The following ARID1B variants were observed in gnomAD, a reference collection of about 807,000 sequenced individuals.
ARID1B encodes AT-rich interactive domain-containing protein 1B.
In ARID1B, 30 loss-of-function variants were observed where a neutral mutation model predicts 212.3. The ratio of observed to expected loss-of-function variants is 0.14; its 90% CI spans 0.11 to 0.19. The LOEUF (loss-of-function observed/expected upper bound fraction) is 0.19, where lower values mean the gene tolerates loss of function less well. Among genes scored for constraint, ARID1B ranks in the 10% least tolerant of loss-of-function variants. The pLI is 1.00. For synonymous variants in ARID1B, 1,402 were observed against 1,301.7 expected (o/e 1.08, Z -1.66); for missense variants, 2,891 against 3,204.0 (o/e 0.90, Z 2.36).
intron 9 of ARID1B, chr6:157,168,588 C>G (rs1791495547): frequency 6.6e-6 from 1 of 152,168 alleles, no homozygotes; most frequent in Non-Finnish European, 1.5e-5. Context: ...CTAATATCAG[C>G]AGCGCTCATT....
chr6:157,016,562 C>G (rs955934015), intron 4 of ARID1B, among the ~76,000 whole-genome samples: 5 of 152,150 alleles, frequency 3.3e-5, no homozygotes, highest in African/African-American at 1.2e-4. Context: ...TGTGGAGCTT[C>G]CTCCTACATC....
chr6:157,093,162 A>G (rs1785386935), intron 5 of ARID1B, among the ~76,000 whole-genome samples: 1 of 152,244 alleles, frequency 6.6e-6, no homozygotes, highest in African/African-American at 2.4e-5. Context: ...AAAAAGTTTC[A>G]AAAATCACTT....
chr6:156,819,725 T>A (rs1226207598), intron 1 of ARID1B, among the ~76,000 whole-genome samples: 1 of 152,176 alleles, frequency 6.6e-6, no homozygotes, highest in African/African-American at 2.4e-5. Context: ...CAGACATTGA[T>A]CAAGTAGTCA....
intron 19 of ARID1B, chr6:157,205,865 T>G: frequency 3.1e-6 from 1 of 323,548 alleles, no homozygotes; most frequent in Non-Finnish European, 5.8e-6. Context: ...AGCAAGGCAC[T>G]CCCTCAGTGA....
intron 4 of ARID1B, among the ~76,000 whole-genome samples, chr6:157,069,515 G>A (rs1783882767): frequency 6.6e-6 from 1 of 152,128 alleles, no homozygotes; most frequent in African/African-American, 2.4e-5. Flanking sequence ...ATGTTCTCTG[G>A]CAAAACCCAC....
At chr6:156,979,831 C>T (rs991703921) in intron 4 of ARID1B, among the ~76,000 whole-genome samples, 2 of 152,156 alleles carry the variant, frequency 1.3e-5, no homozygotes, top group Non-Finnish European at 2.9e-5. Context: ...GCTGGGATTA[C>T]AGGCATGGGC....
chr6:156,965,764 T>C (rs1794700848), intron 4 of ARID1B, among the ~76,000 whole-genome samples: 1 of 152,214 alleles, frequency 6.6e-6, no homozygotes, highest in Admixed American at 6.5e-5. Context: ...AAGATTTTTT[T>C]ATTGTTAGCT....
At chr6:156,946,923 A>G (rs976529979) in intron 4 of ARID1B, among the ~76,000 whole-genome samples, 2 of 152,242 alleles carry the variant, frequency 1.3e-5, no homozygotes, top group Non-Finnish European at 2.9e-5. Flanking sequence ...CTTATTTCTT[A>G]TATAGTTCTT....
intron 2 of ARID1B, among the ~76,000 whole-genome samples, chr6:156,899,346 C>A (rs1788741579): frequency 6.6e-6 from 1 of 152,352 alleles, no homozygotes; most frequent in Middle Eastern, 3.4e-3. Context: ...GGACAGCTGA[C>A]CGGGTCCAGT....
intron 1 of ARID1B, among the ~76,000 whole-genome samples, chr6:156,808,704 A>G (rs1398956331): frequency 2.0e-5 from 3 of 152,238 alleles, no homozygotes; most frequent in African/African-American, 7.2e-5. Flanking sequence ...AAATAAAAAC[A>G]TTATCTGTAT....
intron 4 of ARID1B, chr6:156,943,581 C>T (rs541748032): frequency 6.6e-6 from 1 of 151,260 alleles, no homozygotes; most frequent in East Asian, 1.9e-4. Flanking sequence ...CTACTTGGTT[C>T]GTGATTGAGA....
chr6:156,948,146 G>A (rs1793301080), intron 4 of ARID1B, among the ~76,000 whole-genome samples: 1 of 152,106 alleles, frequency 6.6e-6, no homozygotes, highest in African/African-American at 2.4e-5. Flanking sequence ...TAAAGTTAGG[G>A]GTATTCTTGA....
chr6:156,964,939 A>G (rs941879174), intron 4 of ARID1B, among the ~76,000 whole-genome samples: 3 of 152,204 alleles, frequency 2.0e-5, no homozygotes, highest in African/African-American at 4.8e-5. Context: ...GGACATAAGA[A>G]TGTGTTAATC....
At chr6:156,992,672 T>C (rs1406568331) in intron 4 of ARID1B, among the ~76,000 whole-genome samples, 1 of 152,162 alleles carries the variant, frequency 6.6e-6, no homozygotes, top group Non-Finnish European at 1.5e-5. Context: ...GCAGTGGCTG[T>C]CTGGCTTCTC....
chr6:157,195,876 C>A, intron 15 of ARID1B: 1 of 337,354 alleles, frequency 3.0e-6, no homozygotes, highest in Non-Finnish European at 5.5e-6. Context: ...GCCTGACCTA[C>A]ATGGTGAAAC....
At position 156,778,477 on chromosome 6, in the gene ARID1B, G is replaced by T. The variant is rs987832321; in HGVS notation, c.797G>T (p.Gly266Val). ...GGCCCGCCGCTGCTGAGCAAGCCGGGCGACGAGGACGACGCGCCGCCCAAG... is the reference window on the plus strand; with the variant it reads ...GGCCCGCCGCTGCTGAGCAAGCCGGTCGACGAGGACGACGCGCCGCCCAAG... ...PPGPPLLSKP[G>V]DEDDAPPKMG... Residue 266 changes from glycine to valine, a missense_variant, in exon 1 of 20, where the codon GGC becomes GTC. Transcript: ENST00000636930. 15 of 1,301,332 alleles carry T rather than the reference G, an allele frequency of 1.2e-5. No homozygotes were observed. Among genetic ancestry groups the T allele is most frequent in the African/African-American group, 1.6e-5 (1 of 64,358 alleles). 80.6% of individuals were successfully genotyped at this position (1,301,332 alleles called of 1,614,324 possible). A position where few individuals can be genotyped will look rare whatever the true frequency, so the allele number is the denominator to read the frequency against.
At chr6:156,780,183 GC>G (rs967324744) in intron 1 of ARID1B, 10 of 152,174 alleles carry the variant, frequency 6.6e-5, no homozygotes, top group Admixed American at 6.5e-4. Flanking sequence ...CCATTATTGG[GC>G]TTACGGGCTG....
chr6:157,150,924 G>A (rs1206502588), intron 8 of ARID1B: 1 of 173,014 alleles, frequency 5.8e-6, no homozygotes, highest in Non-Finnish European at 1.3e-5. Flanking sequence ...CGATCGTGCC[G>A]TCTGGCCGCG....
intron 2 of ARID1B, among the ~76,000 whole-genome samples, chr6:156,868,033 G>A (rs1785835741): frequency 6.6e-6 from 1 of 152,192 alleles, no homozygotes; most frequent in Non-Finnish European, 1.5e-5. Flanking sequence ...GGGATTGATG[G>A]ATGGGTCATT....
Sources: gnomAD v4.1 joint callset for allele counts (sites outside exome capture counted in the v4.1 genomes callset) on GRCh38, gnomAD v4.1.1 for gene constraint, MANE v1.5 for transcripts, NCBI Gene and HGNC (gene_info 2026-07-23, HGNC 2026-07-21) for gene names.